The following MAK variants were observed in gnomAD, a reference collection of about 807,000 sequenced individuals.
MAK encodes male germ cell associated kinase.
A neutral mutation model predicts 82.6 loss-of-function variants in MAK; 65 were observed. That is an observed-to-expected ratio of 0.79 (90% confidence interval 0.64 to 0.97). The LOEUF is 0.97. MAK is among the 50% of genes least tolerant of loss of function. The pLI is 0.00. For missense variants in MAK, 703 were observed against 780.2 expected, an observed-to-expected ratio of 0.90 and a Z score of 1.18; for synonymous variants, 250 against 274.2, an observed-to-expected ratio of 0.91 and a Z score of 0.87.
chr6:10,833,103 A>G (rs1327382349), intron 1 of MAK, among the ~76,000 whole-genome samples: 1 of 152,180 alleles, frequency 6.6e-6, no homozygotes, highest in Non-Finnish European at 1.5e-5. Context: ...TTGCTCCTCT[A>G]TTATTTGCAG....
intron 1 of MAK, among the ~76,000 whole-genome samples, chr6:10,835,630 C>T (rs1346346318): frequency 2.0e-5 from 3 of 152,250 alleles, no homozygotes; most frequent in African/African-American, 7.2e-5. Context: ...AAATTATTTT[C>T]ATGTTAACAC....
chr6:10,837,195 AT>A (rs545938286), intron 1 of MAK, among the ~76,000 whole-genome samples: 1 of 152,244 alleles, frequency 6.6e-6, no homozygotes, highest in Non-Finnish European at 1.5e-5. Context: ...CAAAAGAGTA[AT>A]TAACGTTTTA....
At chr6:10,820,421 CA>C (rs937218795) in intron 2 of MAK, among the ~76,000 whole-genome samples, 39 of 152,260 alleles carry the variant, frequency 2.6e-4, no homozygotes, top group African/African-American at 9.4e-4. Flanking sequence ...TGCCTGGATT[CA>C]AATCCTTGCC....
intron 11 of MAK, among the ~76,000 whole-genome samples, chr6:10,778,622 G>T (rs1773669039): frequency 1.3e-5 from 2 of 152,012 alleles, no homozygotes; most frequent in Admixed American, 1.3e-4. Context: ...CTCAGAGATG[G>T]CCAGTAAGGC....
intron 5 of MAK, among the ~76,000 whole-genome samples, chr6:10,811,791 C>A (rs866517718): frequency 4.0e-5 from 6 of 151,766 alleles, no homozygotes; most frequent in South Asian, 4.2e-4. Context: ...CTAAACATAC[C>A]CTTTTTATAA....
At chr6:10,834,972 C>T (rs939723178) in intron 1 of MAK, among the ~76,000 whole-genome samples, 12 of 152,126 alleles carry the variant, frequency 7.9e-5, no homozygotes, top group Non-Finnish European at 1.5e-4. Context: ...GCTCAGCTGG[C>T]GCTGTGGGCA....
At chr6:10,789,887 C>T (rs540350278) in intron 10 of MAK, among the ~76,000 whole-genome samples, 2 of 152,272 alleles carry the variant, frequency 1.3e-5, no homozygotes, top group East Asian at 3.9e-4. Flanking sequence ...ATCTCCTGAA[C>T]TCAGGTGATC....
At position 10,796,141 on chromosome 6, in the gene MAK, G is replaced by T. The variant is rs1775535671; in HGVS notation, c.1000C>A (p.Gln334Lys). The change falls in exon 9 of 15, where the codon CAA (glutamine) becomes AAA (lysine). Residue 334 changes from glutamine (Q) to lysine (K), a missense_variant. Physicochemically the swap from Gln to Lys is moderately conservative, Grantham distance 53. Transcript: ENST00000354489. ...LPDIIDQVVGQPQPKTSQQPL... is the reference protein window; with the variant it reads ...LPDIIDQVVGKPQPKTSQQPL... ...TGCTGGCTAGTTTTTGGCTGGGGTT[G>T]TCCAACAACCTGATCGATTATATCC... The T allele has an allele frequency of 6.2e-7, 1 of 1,613,966 alleles. No homozygotes were observed. The highest frequency in any genetic ancestry group is 8.5e-7 in the Non-Finnish European group (1 of 1,180,018).
chr6:10,777,086 A>G (rs1192169485), intron 11 of MAK, among the ~76,000 whole-genome samples: 1 of 150,914 alleles, frequency 6.6e-6, no homozygotes, highest in Non-Finnish European at 1.5e-5. Flanking sequence ...AACCATAAAG[A>G]TGCACTTGGT....
chr6:10,818,872 C>A lies in MAK; in HGVS notation c.156+14G>T. The A allele has an allele frequency of 6.6e-7, 1 of 1,509,030 alleles. No individual in the cohort carries two copies. Among genetic ancestry groups the A allele is most frequent in the Non-Finnish European group, 9.2e-7 (1 of 1,086,008 alleles). 93.5% of individuals were successfully genotyped at this position (1,509,030 alleles called of 1,614,324 possible). ...TAAGGCCTTCTCAGGTTCTTTTCATCTTTAGGATTTTACCTTAACTTCTCT... is the reference window on the plus strand; with the variant it reads ...TAAGGCCTTCTCAGGTTCTTTTCATATTTAGGATTTTACCTTAACTTCTCT... On this transcript the variant is annotated intron_variant, in intron 3 of 14. Transcript: ENST00000354489.
intron 14 of MAK, among the ~76,000 whole-genome samples, chr6:10,766,580 TTAGTTA>T (rs1772453784): frequency 6.6e-6 from 1 of 152,208 alleles, no homozygotes; most frequent in Non-Finnish European, 1.5e-5. Flanking sequence ...AAAGAGCCCT[TTAGTTA>T]TAGCCATTGG....
intron 1 of MAK, among the ~76,000 whole-genome samples, chr6:10,835,864 C>T (rs1779115446): frequency 6.6e-6 from 1 of 152,228 alleles, no homozygotes; most frequent in Non-Finnish European, 1.5e-5. Flanking sequence ...TTACACCTCT[C>T]TCTTCCACTA....
chr6:10,833,079 T>C (rs1778920985), intron 1 of MAK, among the ~76,000 whole-genome samples: 1 of 152,218 alleles, frequency 6.6e-6, no homozygotes, highest in South Asian at 2.1e-4. Flanking sequence ...GCACTTTCAT[T>C]TAAATCATAG....
chr6:10,774,737 A>C (rs1773320605), intron 12 of MAK, among the ~76,000 whole-genome samples: 1 of 152,224 alleles, frequency 6.6e-6, no homozygotes, highest in South Asian at 2.1e-4. Flanking sequence ...TCAGTCATCA[A>C]ATCAAAGTTA....
intron 2 of MAK, among the ~76,000 whole-genome samples, chr6:10,823,688 C>G (rs2127582592): frequency 6.6e-6 from 1 of 152,252 alleles, no homozygotes; most frequent in South Asian, 2.1e-4. Context: ...CACGACCACA[C>G]CCGGCTAATT....
chr6:10,823,186 A>G (rs192081075), intron 2 of MAK, among the ~76,000 whole-genome samples: 55 of 152,228 alleles, frequency 3.6e-4, no homozygotes, highest in Non-Finnish European at 4.0e-4. Context: ...CTTCAGGCCA[A>G]CTCCCAAAAG....
At chr6:10,827,108 T>TCAAAA (rs755090877) in intron 2 of MAK, among the ~76,000 whole-genome samples, 3 of 151,980 alleles carry the variant, frequency 2.0e-5, no homozygotes, top group African/African-American at 7.3e-5. Context: ...AGAATCCATC[T>TCAAAA]CAAAACAAAA....
chr6:10,807,634 C>T (rs1358227131), intron 6 of MAK, among the ~76,000 whole-genome samples: 1 of 151,880 alleles, frequency 6.6e-6, no homozygotes, highest in Admixed American at 6.6e-5. Flanking sequence ...GCCACCATGC[C>T]CAGCCTGATA....
At chr6:10,809,933 A>G (rs1425507302) in intron 5 of MAK, among the ~76,000 whole-genome samples, 1 of 151,918 alleles carries the variant, frequency 6.6e-6, no homozygotes, top group Non-Finnish European at 1.5e-5. Context: ...CCCCGTCTAT[A>G]CTAAAAATAC....
Sources: gnomAD v4.1 joint callset for allele counts (sites outside exome capture counted in the v4.1 genomes callset) on GRCh38, gnomAD v4.1.1 for gene constraint, MANE v1.5 for transcripts, NCBI Gene and HGNC (gene_info 2026-07-23, HGNC 2026-07-21) for gene names.